RNGTT: variants seen among roughly 807,000 people sequenced by gnomAD.
The protein encoded by RNGTT is mRNA-capping enzyme.
Under a neutral mutation model 79.3 loss-of-function variants are expected in RNGTT, and 33 were observed. The ratio of observed to expected loss-of-function variants is 0.42; its 90% CI spans 0.32 to 0.56. The LOEUF (loss-of-function observed/expected upper bound fraction) is 0.56. RNGTT is among the 20% of genes least tolerant of loss of function. The pLI is 0.17. For missense variants in RNGTT, 497 were observed against 739.1 expected (o/e 0.67, Z 3.80); for synonymous variants, 222 against 235.9 (o/e 0.94, Z 0.54).
intron 13 of RNGTT, among the ~76,000 whole-genome samples, chr6:88,716,040 T>A (rs1047065135): frequency 2.0e-5 from 3 of 151,506 alleles, no homozygotes; most frequent in Non-Finnish European, 4.4e-5. Context: ...ACCTACAAAA[T>A]GGGAGAAAAT....
intron 2 of RNGTT, among the ~76,000 whole-genome samples, chr6:88,938,590 G>C (rs1784744022): frequency 6.6e-6 from 1 of 152,034 alleles, no homozygotes; most frequent in Admixed American, 6.6e-5. Flanking sequence ...TGGTTGTTTT[G>C]TATATTCTTT....
At position 88,666,922 on chromosome 6, in the gene RNGTT, G is replaced by C. The variant is rs932170892; in HGVS notation, c.1506+11431C>G. 4.6e-5 allele frequency among the ~76,000 whole-genome samples: 7 copies of C among 152,288 alleles called. No homozygotes were observed. The South Asian group carries it at 8.3e-4, about 18-fold the overall frequency. ...GGTATGCCTTTTTAACCCTCCAAGT[G>C]CATGGGGCATTATACAAAGAAAAAG... is the stretch of plus-strand genomic sequence containing the variant. On this transcript the variant is annotated intron_variant, in intron 14 of 15. Coordinates refer to ENST00000369485, the MANE Select transcript of RNGTT (RefSeq NM_003800.5).
chr6:88,800,289 T>C (rs1299758482), intron 12 of RNGTT, among the ~76,000 whole-genome samples: 1 of 152,236 alleles, frequency 6.6e-6, no homozygotes, highest in African/African-American at 2.4e-5. Flanking sequence ...TGAGCATCCC[T>C]AATACAAAAA....
chr6:88,895,584 A>G (rs1337346102), intron 6 of RNGTT, among the ~76,000 whole-genome samples: 1 of 152,190 alleles, frequency 6.6e-6, no homozygotes, highest in African/African-American at 2.4e-5. Flanking sequence ...AAGAATCAGA[A>G]AAGACTGTAC....
At chr6:88,908,257 T>C (rs1783720507) in intron 4 of RNGTT, among the ~76,000 whole-genome samples, 1 of 152,156 alleles carries the variant, frequency 6.6e-6, no homozygotes, top group African/African-American at 2.4e-5. Context: ...ATTAGACTAT[T>C]TCAAAATAGC....
chr6:88,664,608 A>G (rs1774322311), intron 14 of RNGTT, among the ~76,000 whole-genome samples: 1 of 152,198 alleles, frequency 6.6e-6, no homozygotes, highest in Admixed American at 6.5e-5. Context: ...AAAAATACCC[A>G]GTCTGACCGT....
intron 8 of RNGTT, among the ~76,000 whole-genome samples, chr6:88,873,565 CAA>C (rs1384591401): frequency 6.6e-6 from 1 of 151,840 alleles, no homozygotes; most frequent in East Asian, 1.9e-4. Context: ...GTCAATGAAA[CAA>C]AAAATATATA....
chr6:88,765,460 C>A (rs1778428544), intron 13 of RNGTT, among the ~76,000 whole-genome samples: 1 of 151,712 alleles, frequency 6.6e-6, no homozygotes, highest in Non-Finnish European at 1.5e-5. Context: ...TTATTTAATC[C>A]CCACAAAACC....
intron 13 of RNGTT, among the ~76,000 whole-genome samples, chr6:88,731,876 AT>A (rs1215723825): frequency 6.6e-6 from 1 of 152,206 alleles, no homozygotes; most frequent in African/African-American, 2.4e-5. Flanking sequence ...ATTAACATAT[AT>A]TTTGTATATG....
chr6:88,849,718 A>T, intron 10 of RNGTT, 37 bp downstream of exon 10: 4 of 1,470,522 alleles, frequency 2.7e-6, no homozygotes, highest in Non-Finnish European at 3.6e-6. Context: ...TCATTATTTC[A>T]GTAATAACTT....
chr6:88,767,856 A>G (rs1218716246), intron 13 of RNGTT, among the ~76,000 whole-genome samples: 3 of 152,124 alleles, frequency 2.0e-5, no homozygotes, highest in Admixed American at 6.5e-5. Flanking sequence ...GCAACTGAGA[A>G]AATCTGTACA....
intron 14 of RNGTT, among the ~76,000 whole-genome samples, chr6:88,625,456 G>C (rs1246142314): frequency 2.0e-5 from 3 of 151,954 alleles, no homozygotes; most frequent in Non-Finnish European, 4.4e-5. Context: ...AATGCTTTGA[G>C]CTGAACTGAA....
intron 12 of RNGTT, among the ~76,000 whole-genome samples, chr6:88,774,934 T>C (rs537847820): frequency 2.6e-5 from 4 of 152,150 alleles, no homozygotes; most frequent in South Asian, 2.1e-4. Context: ...TTAGAGATTA[T>C]AAAAATTATT....
At chr6:88,898,604 G>A (rs1035590999) in intron 6 of RNGTT, among the ~76,000 whole-genome samples, 16 of 148,290 alleles carry the variant, frequency 1.1e-4, no homozygotes, top group South Asian at 8.5e-4. Flanking sequence ...AGTATATCTA[G>A]TATTACTTTT....
intron 8 of RNGTT, among the ~76,000 whole-genome samples, chr6:88,854,776 A>C (rs1328117546): frequency 6.6e-6 from 1 of 152,216 alleles, no homozygotes; most frequent in African/African-American, 2.4e-5. Context: ...TCATTCTTCA[A>C]ATGGTTAGGT....
chr6:88,842,842 C>T (rs1781340572), intron 11 of RNGTT, among the ~76,000 whole-genome samples: 1 of 152,088 alleles, frequency 6.6e-6, no homozygotes. Flanking sequence ...GAGGCTAAGG[C>T]AGGCTGATCA....
intron 14 of RNGTT, among the ~76,000 whole-genome samples, chr6:88,642,131 C>G (rs1773346670): frequency 6.6e-6 from 1 of 151,970 alleles, no homozygotes; most frequent in Non-Finnish European, 1.5e-5. Context: ...GCTCACAGGT[C>G]AAAGCTTATG....
At chr6:88,647,073 T>C (rs1773593325) in intron 14 of RNGTT, among the ~76,000 whole-genome samples, 1 of 152,048 alleles carries the variant, frequency 6.6e-6, no homozygotes, top group Non-Finnish European at 1.5e-5. Flanking sequence ...TGAAAAATCA[T>C]AAGTTGAACC....
intron 13 of RNGTT, among the ~76,000 whole-genome samples, chr6:88,741,258 C>T (rs150581252): frequency 0.011 from 1,660 of 152,050 alleles, 21 homozygotes; most frequent in African/African-American, 0.031. Flanking sequence ...TGGAATACTA[C>T]GCAGCCATAA....
Sources: gnomAD v4.1 joint callset for allele counts (sites outside exome capture counted in the v4.1 genomes callset) on GRCh38, gnomAD v4.1.1 for gene constraint, MANE v1.5 for transcripts, NCBI Gene and HGNC (gene_info 2026-07-23, HGNC 2026-07-21) for gene names.